AQP7B: variants seen among roughly 807,000 people sequenced by gnomAD.
The protein encoded by AQP7B is putative aquaporin-7B.
the AQP7B span, chr2:94,602,908 G>C: frequency 8.6e-7 from 1 of 1,165,620 alleles, no homozygotes; most frequent in Non-Finnish European, 1.2e-6. Flanking sequence ...GGGTGGTTGT[G>C]AGGGCTCAAG....
At chr2:94,601,071 A>G in the AQP7B span, among the ~76,000 whole-genome samples, 1 of 151,942 alleles carries the variant, frequency 6.6e-6, no homozygotes, top group Non-Finnish European at 1.5e-5. Flanking sequence ...AAACAAATAA[A>G]ACAGAGGCAC....
chr2:94,603,690 T>A, the AQP7B span: 1 of 1,392,664 alleles, frequency 7.2e-7, no homozygotes, highest in African/African-American at 1.4e-5. Context: ...CCAGGTGAGC[T>A]GCCACAGCAT....
the AQP7B span, chr2:94,603,800 T>C: frequency 1.3e-6 from 2 of 1,521,658 alleles, no homozygotes; most frequent in South Asian, 2.3e-5. Flanking sequence ...CACGCGCTGG[T>C]GATAAGCATC....
chr2:94,598,481 G>C, the AQP7B span, among the ~76,000 whole-genome samples: 1 of 152,132 alleles, frequency 6.6e-6, no homozygotes, highest in Non-Finnish European at 1.5e-5. Context: ...CGTGAGACAC[G>C]GGGCAAGGGT....
At chr2:94,592,076 G>T in the AQP7B span, among the ~76,000 whole-genome samples, 6 of 152,130 alleles carry the variant, frequency 3.9e-5, no homozygotes, top group Admixed American at 1.3e-4. Context: ...TGTCTTGCCT[G>T]CTGTGTGGTG....
At chr2:94,601,698 G>A in the AQP7B span, among the ~76,000 whole-genome samples, 1 of 152,162 alleles carries the variant, frequency 6.6e-6, no homozygotes, top group Non-Finnish European at 1.5e-5. Context: ...ACGCTGGGCA[G>A]GGGTGGGACA....
the AQP7B span, chr2:94,602,468 C>T: frequency 2.5e-6 from 4 of 1,595,574 alleles, no homozygotes; most frequent in Non-Finnish European, 3.4e-6. Flanking sequence ...GGCAGGCAGC[C>T]CCCTTAGAGG....
the AQP7B span, among the ~76,000 whole-genome samples, chr2:94,597,558 T>C: frequency 6.6e-6 from 1 of 151,960 alleles, no homozygotes; most frequent in Non-Finnish European, 1.5e-5. Flanking sequence ...TTGCCCAAGG[T>C]CACACTTTAA....
chr2:94,591,388 A>G, the AQP7B span, among the ~76,000 whole-genome samples: 1 of 152,026 alleles, frequency 6.6e-6, no homozygotes, highest in South Asian at 2.1e-4. Context: ...TTCCCTCTCT[A>G]ACCGAACACC....
chr2:94,595,533 G>C, the AQP7B span, among the ~76,000 whole-genome samples: 1 of 152,148 alleles, frequency 6.6e-6, no homozygotes, highest in East Asian at 1.9e-4. Flanking sequence ...TGATGTTGAA[G>C]GCTGGCAAGC....
the AQP7B span, chr2:94,603,259 G>A: frequency 2.2e-5 from 30 of 1,387,664 alleles, no homozygotes; most frequent in Admixed American, 1.1e-4. Flanking sequence ...GTCCTGATTT[G>A]TAAAAAATAG....
chr2:94,597,474 G>C, the AQP7B span, among the ~76,000 whole-genome samples: 1 of 152,064 alleles, frequency 6.6e-6, no homozygotes, highest in Non-Finnish European at 1.5e-5. Flanking sequence ...CCATGCAATA[G>C]CCCTGTGAAG....
the AQP7B span, chr2:94,602,433 C>T: frequency 6.5e-7 from 1 of 1,531,302 alleles, no homozygotes; most frequent in Non-Finnish European, 8.9e-7. Flanking sequence ...GAGCTCTGAG[C>T]CCTCCTCTGA....
chr2:94,596,380 A>AAGGGGCAGCCTCTGGGAAGGGAGGC, the AQP7B span, among the ~76,000 whole-genome samples: 2 of 152,166 alleles, frequency 1.3e-5, no homozygotes, highest in Non-Finnish European at 2.9e-5. Context: ...CTAGAAAAAG[A>AAGGGGCAGCCTCTGGGAAGGGAGGC]AGGGGCAGCC....
chr2:94,600,295 G>A, the AQP7B span, among the ~76,000 whole-genome samples: 1 of 151,998 alleles, frequency 6.6e-6, no homozygotes, highest in Non-Finnish European at 1.5e-5. Context: ...GTTCTCCAGG[G>A]GAAATACAAT....
chr2:94,600,163 C>G, the AQP7B span, among the ~76,000 whole-genome samples: 2 of 152,108 alleles, frequency 1.3e-5, no homozygotes, highest in African/African-American at 4.8e-5. Flanking sequence ...AGCCACCGCA[C>G]CCAGCCTGGT....
At chr2:94,604,447 G>T in the AQP7B span, 1 of 1,611,486 alleles carries the variant, frequency 6.2e-7, no homozygotes, top group South Asian at 1.1e-5. Flanking sequence ...TAACCGTATT[G>T]CCCAAGATGG....
the AQP7B span, among the ~76,000 whole-genome samples, chr2:94,595,458 A>AG: frequency 6.6e-6 from 1 of 152,008 alleles, no homozygotes; most frequent in South Asian, 2.1e-4. Context: ...AAGAAAAAAA[A>AG]AGAGAGAGAG....
At chr2:94,600,686 T>A in the AQP7B span, among the ~76,000 whole-genome samples, 1 of 152,178 alleles carries the variant, frequency 6.6e-6, no homozygotes, top group Admixed American at 6.5e-5. Context: ...GAGACCAGTC[T>A]GGCCAACATC....
Sources: gnomAD v4.1 joint callset for allele counts (sites outside exome capture counted in the v4.1 genomes callset) on GRCh38, gnomAD v4.1.1 for gene constraint, MANE v1.5 for transcripts, NCBI Gene and HGNC (gene_info 2026-07-23, HGNC 2026-07-21) for gene names.